Variants in JAKMIP1 observed in about 807,000 individuals in gnomAD.
JAKMIP1 encodes janus kinase and microtubule-interacting protein 1.
Under a neutral mutation model 113.0 loss-of-function variants are expected in JAKMIP1, and 33 were observed. The ratio of observed to expected loss-of-function variants is 0.29; its 90% confidence interval spans 0.22 to 0.39. The LOEUF (loss-of-function observed/expected upper bound fraction) is 0.39. JAKMIP1 is among the 10% of genes least tolerant of loss of function. The probability of loss-of-function intolerance (pLI) is 1.00; values close to 1 mark genes in which losing one functional copy is unlikely to be tolerated. For missense variants in JAKMIP1, 813 were observed against 1,080.5 expected, an observed-to-expected ratio of 0.75 and a Z score of 3.47; for synonymous variants, 480 against 459.9, an observed-to-expected ratio of 1.04 and a Z score of -0.56.
chr4:6,198,018 G>T (rs1728031648), intron 1 of JAKMIP1, among the ~76,000 whole-genome samples: 1 of 152,198 alleles, frequency 6.6e-6, no homozygotes, highest in Non-Finnish European at 1.5e-5. Context: ...GACAGCACGG[G>T]CAGTGTCTGT....
At chr4:6,048,136 C>A (rs75107970) in intron 16 of JAKMIP1, among the ~76,000 whole-genome samples, 1 of 152,170 alleles carries the variant, frequency 6.6e-6, no homozygotes, top group African/African-American at 2.4e-5. Context: ...AAAACAATGA[C>A]GTGATACGGT....
intron 3 of JAKMIP1, among the ~76,000 whole-genome samples, chr4:6,103,951 G>T (rs1267008624): frequency 6.6e-6 from 1 of 151,944 alleles, no homozygotes; most frequent in East Asian, 1.9e-4. Flanking sequence ...TTTCTTTATT[G>T]ATTTTATTTC....
At position 6,050,960 on chromosome 4, in the gene JAKMIP1, G is replaced by A. The variant is rs1715587689; in HGVS notation, c.1807-281C>T. 1.3e-5 allele frequency among the ~76,000 whole-genome samples: 2 copies of A among 152,132 alleles called. No individual in the cohort carries two copies. Among genetic ancestry groups the A allele is most frequent in the Non-Finnish European group, 2.9e-5 (2 of 68,038 alleles). ...TTATCCATTGTGAGATCAAAACCCA[G>A]GAAATCACAGAATTACAAAATTTAA... On this transcript the variant is annotated intron_variant, in intron 13 of 20. Coordinates refer to ENST00000409021, the MANE Select transcript of JAKMIP1 (RefSeq NM_001099433.2). This position sits in a 1 kb window ranked among gnomAD's most constrained non-coding sequence, Gnocchi z 7.4.
At chr4:6,118,222 C>T (rs571747480) in intron 1 of JAKMIP1, among the ~76,000 whole-genome samples, 85 of 152,342 alleles carry the variant, frequency 5.6e-4, no homozygotes, top group Admixed American at 2.1e-3. Flanking sequence ...TCACAATCCA[C>T]GTTCTTCTGC....
At position 6,040,836 on chromosome 4, in the gene JAKMIP1, G is replaced by T; in HGVS notation, c.2098-120C>A. The T allele has an allele frequency of 1.3e-6, 1 of 747,818 alleles. No individual in the cohort carries two copies. The highest frequency in any genetic ancestry group is 1.5e-5 in the South Asian group (1 of 65,754). 46.3% of individuals were successfully genotyped at this position (747,818 alleles called of 1,614,324 possible). On this transcript the variant is annotated intron_variant, in intron 17 of 20. Coordinates refer to ENST00000409021, the MANE Select transcript of JAKMIP1 (RefSeq NM_001099433.2). This position sits in a 1 kb window ranked among gnomAD's most constrained non-coding sequence, Gnocchi z 5.8. The stretch of plus-strand genomic sequence containing the variant: ...AATTGGGGGCACTCAGATGAGAAGG[G>T]ACTTGGTGGTCTTCCCCGTTTGCCC...
In JAKMIP1 at chr4:6,182,423, A is replaced by AG. The variant is rs1265727544; in HGVS notation, c.-148+17829_-148+17830insC. 1.8e-3 allele frequency among the ~76,000 whole-genome samples: 247 copies of AG among 140,232 alleles called. 1 individual carries two copies. The highest frequency in any genetic ancestry group is 8.8e-3 in the East Asian group (42 of 4,788). The allele number at this position is 140,232 out of a possible 152,430, so 92.0% of individuals were successfully genotyped here. A position where few individuals can be genotyped will look rare whatever the true frequency, so the allele number is the denominator to read the frequency against. ...GACCCTGTCTCAGAAAAAAAAAAAA[A>AG]AAAGAAAGAAAGAAAGAAAGAAAAG... On this transcript the variant is annotated intron_variant, in intron 1 of 20. Coordinates refer to ENST00000409021, the MANE Select transcript of JAKMIP1 (RefSeq NM_001099433.2).
chr4:6,136,935 A>G lies in JAKMIP1; in HGVS notation c.-147-23938T>C, dbSNP rs1719332898. On this transcript the variant is annotated intron_variant, in intron 1 of 20. Coordinates refer to ENST00000409021, the MANE Select transcript of JAKMIP1 (RefSeq NM_001099433.2). This position sits in a 1 kb window ranked among gnomAD's most constrained non-coding sequence, Gnocchi z 5.9. Reference sequence around the variant, plus strand: ...CGCATGGGATTCCACTGACCATGCCATTGTACAGATGAGGAAACTGAGGCT... The same window carrying G: ...CGCATGGGATTCCACTGACCATGCCGTTGTACAGATGAGGAAACTGAGGCT... Among the ~76,000 whole-genome samples the G allele has an allele frequency of 6.6e-6, 1 of 152,198 alleles. No homozygotes were observed. The highest frequency in any genetic ancestry group is 1.5e-5 in the Non-Finnish European group (1 of 68,028).
intron 11 of JAKMIP1, 43 bp downstream of exon 11, chr4:6,060,381 C>A (rs575615563): frequency 6.8e-7 from 1 of 1,466,836 alleles, no homozygotes; most frequent in Non-Finnish European, 9.6e-7. Flanking sequence ...ACCAAGGGGA[C>A]AGAAAGGCTA....
chr4:6,035,496 G>A (rs1322559624), intron 19 of JAKMIP1, among the ~76,000 whole-genome samples: 2 of 152,104 alleles, frequency 1.3e-5, no homozygotes, highest in East Asian at 1.9e-4. Context: ...AAGACATTGA[G>A]GTTTTCAGAC....
rs201618862 is a variant in JAKMIP1 at position 6,044,600 on chromosome 4, C to T, written c.2029-2373G>A. ...TTACAGGTATTTCAGTTTTAATATC[C>T]TCATGCAAGCAGTCATAAAATGAAT... On this transcript the variant is annotated intron_variant, in intron 16 of 20. Coordinates refer to ENST00000409021, the MANE Select transcript of JAKMIP1 (RefSeq NM_001099433.2). This position sits in a 1 kb window ranked among gnomAD's most constrained non-coding sequence, Gnocchi z 4.4. 1.3e-5 allele frequency among the ~76,000 whole-genome samples: 2 copies of T among 152,266 alleles called. No individual in the cohort carries two copies. Among genetic ancestry groups the T allele is most frequent in the Non-Finnish European group, 2.9e-5 (2 of 68,034 alleles).
Position 6,062,428 on chromosome 4 carries a change from C to G in JAKMIP1, c.1444G>C (p.Glu482Gln), listed in dbSNP as rs866085495. ...TGGCAGAAGCGCAGGTCAGCCTCCT[C>G]TCGGGCTGTGGCCTTCACATAATGG... is the stretch of plus-strand genomic sequence containing the variant. ...EEDLDDATAR[E>Q]EADLRFCQLT... The change falls in exon 10 of 21, where the codon GAG becomes CAG. Residue 482 changes from glutamate (E) to glutamine (Q), a missense_variant. By Grantham distance (29) the Glu-to-Gln change is conservative. Coordinates refer to ENST00000409021, the MANE Select transcript of JAKMIP1 (RefSeq NM_001099433.2). 1 of 1,613,442 alleles carries G rather than the reference C, an allele frequency of 6.2e-7. No homozygotes were observed. The highest frequency in any genetic ancestry group is 8.5e-7 in the Non-Finnish European group (1 of 1,179,614).
At chr4:6,036,149 A>G (rs1174391706) in intron 18 of JAKMIP1, 42 bp from the exon 19 acceptor site, 22 of 1,449,262 alleles carry the variant, frequency 1.5e-5, no homozygotes, top group Non-Finnish European at 2.1e-5. Flanking sequence ...GGTCACAAGG[A>G]GGTGGACAGG....
intron 19 of JAKMIP1, among the ~76,000 whole-genome samples, chr4:6,033,586 A>T (rs1284108556): frequency 2.0e-5 from 3 of 152,180 alleles, no homozygotes; most frequent in Admixed American, 6.5e-5. Flanking sequence ...CAGACAAGAA[A>T]ATTGAGGCTC....
rs1239530760 is a variant in JAKMIP1, at chr4:6,150,284, T to A, written c.-147-37287A>T. 1 of 152,182 alleles carries A rather than the reference T, an allele frequency of 6.6e-6. No individual in the cohort carries two copies. Among genetic ancestry groups the A allele is most frequent in the African/African-American group, 2.4e-5 (1 of 41,414 alleles). 9.4% of individuals were successfully genotyped at this position (152,182 alleles called of 1,614,324 possible). On this transcript the variant is annotated intron_variant, in intron 1 of 20. Coordinates refer to ENST00000409021, the MANE Select transcript of JAKMIP1 (RefSeq NM_001099433.2). This position sits in a 1 kb window ranked among gnomAD's most constrained non-coding sequence, Gnocchi z 4.8. ...TAATTCTTTGAAGGAGGTGCCAGCT[T>A]CCCTCCCACCCAACCTCCCAGTACA...
rs114666605 is a variant in JAKMIP1, at chr4:6,099,130, G to A, written c.624+6343C>T. On this transcript the variant is annotated intron_variant, in intron 3 of 20. Coordinates refer to ENST00000409021, the MANE Select transcript of JAKMIP1 (RefSeq NM_001099433.2). ...TATCCTTTTCCTTCAGGGAAAGTGG[G>A]TCTTTATATTTAAAGTGTGACTTTT... is the stretch of plus-strand genomic sequence containing the variant. Among the ~76,000 whole-genome samples, 1,028 of 152,296 alleles carry A rather than the reference G, an allele frequency of 6.8e-3. 3 individuals carry two copies. Among genetic ancestry groups the A allele is most frequent in the Middle Eastern group, 0.044 (13 of 294 alleles).
chr4:6,169,775 C>T (rs1041363446), intron 1 of JAKMIP1, among the ~76,000 whole-genome samples: 24 of 152,010 alleles, frequency 1.6e-4, no homozygotes, highest in African/African-American at 5.3e-4. Flanking sequence ...TGGCCTTGTG[C>T]CTCAGATGCC....
At chr4:6,063,099 G>A (rs557424450) in intron 9 of JAKMIP1, among the ~76,000 whole-genome samples, 1 of 152,034 alleles carries the variant, frequency 6.6e-6, no homozygotes, top group African/African-American at 2.4e-5. Flanking sequence ...CCGAGATCAT[G>A]CCACCGCACT....
chr4:6,193,146 T>C lies in JAKMIP1; in HGVS notation c.-148+7107A>G, dbSNP rs546603868. Among the ~76,000 whole-genome samples the C allele has an allele frequency of 5.9e-5, 9 of 152,300 alleles. No individual in the cohort carries two copies. The highest frequency in any genetic ancestry group is 2.2e-4 in the African/African-American group (9 of 41,564). On this transcript the variant is annotated intron_variant, in intron 1 of 20. Transcript: ENST00000409021. The surrounding 1 kb of genome is among the most constrained non-coding windows in gnomAD (Gnocchi z 6.4). ...TCTTTCTCCCATGCTGGATGCTTCC[T>C]GCCCTCGGACATCAGACTGCAAGTT... is the stretch of plus-strand genomic sequence containing the variant.
Position 6,127,645 on chromosome 4 carries a change from C to CA in JAKMIP1, c.-147-14649dup, listed in dbSNP as rs546453877. On this transcript the variant is annotated intron_variant, in intron 1 of 20. Transcript: ENST00000409021. ...GAAACAATGTGAAGGAACACAAGGC[C>CA]AGGGCACACCTGGGAAGGCCCCACA... 1.4e-4 allele frequency among the ~76,000 whole-genome samples: 22 copies of CA among 152,314 alleles called. No homozygotes were observed. In the South Asian group the frequency reaches 4.3e-3, roughly 30 times the overall value.
Sources: gnomAD v4.1 joint callset for allele counts (sites outside exome capture counted in the v4.1 genomes callset) on GRCh38, gnomAD v4.1.1 for gene constraint, Gnocchi (gnomAD v3.1) non-coding constraint, MANE v1.5 for transcripts, NCBI Gene and HGNC (gene_info 2026-07-23, HGNC 2026-07-21) for gene names.